OPA1: variants seen among roughly 807,000 people sequenced by gnomAD.
OPA1 encodes the protein dynamin-like GTPase OPA1, mitochondrial.
OPA1 carries 59 observed loss-of-function variants against 152.9 expected under a neutral mutation model. The observed-to-expected ratio is 0.39, with a 90% CI of 0.31 to 0.48. OPA1 has a LOEUF of 0.48. Among genes scored for constraint, OPA1 ranks in the 20% least tolerant of loss-of-function variants. The pLI is 0.96. For synonymous variants in OPA1, 400 were observed against 389.9 expected (o/e 1.03, Z -0.31); for missense variants, 1,008 against 1,216.8 (o/e 0.83, Z 2.55).
intron 21 of OPA1, among the ~76,000 whole-genome samples, chr3:193,649,833 TAATC>T (rs1711953575): frequency 6.6e-6 from 1 of 152,230 alleles, no homozygotes; most frequent in Admixed American, 6.5e-5. Flanking sequence ...TCTTGTTGAT[TAATC>T]AAACATTGTT....
At chr3:193,686,218 G>A (rs1720916891) in intron 29 of OPA1, among the ~76,000 whole-genome samples, 1 of 152,140 alleles carries the variant, frequency 6.6e-6, no homozygotes, top group Non-Finnish European at 1.5e-5. Context: ...TGGGTTTCTT[G>A]TCCAAATGAA....
intron 9 of OPA1, among the ~76,000 whole-genome samples, chr3:193,636,573 C>G (rs915957326): frequency 6.6e-6 from 1 of 151,588 alleles, no homozygotes; most frequent in African/African-American, 2.4e-5. Context: ...ATTCATTCAT[C>G]AAATTTACAT....
Position 193,648,019 on chromosome 3 carries a change from C to T in OPA1, c.1871-51C>T, listed in dbSNP as rs369310912. Reference sequence around the variant, plus strand: ...TGTATTTTAACCACTTTAACCACTACATCTGGAAAGAAGGAGGGTCATCAA... The same window carrying T: ...TGTATTTTAACCACTTTAACCACTATATCTGGAAAGAAGGAGGGTCATCAA... On this transcript the variant is annotated intron_variant, in intron 19 of 30. Coordinates refer to ENST00000361510, the MANE Select transcript of OPA1 (RefSeq NM_130837.3). 1.8e-5 allele frequency: 24 copies of T among 1,317,590 alleles called. No homozygotes were observed. The African/African-American group carries it at 2.9e-4, about 16-fold the overall frequency. 81.6% of individuals were successfully genotyped at this position (1,317,590 alleles called of 1,614,324 possible).
Position 193,635,429 on chromosome 3 carries a change from G to A in OPA1, c.855G>A (p.Gln285=). The part of the protein sequence containing the change: ...EELLHTQLKY[Q]RILERLEKEN... ...TTATTTTATTGCAGTTGAAGTATCAGAGAATCTTGGAACGATTAGAAAAGG... is the reference window on the plus strand; with the variant it reads ...TTATTTTATTGCAGTTGAAGTATCAAAGAATCTTGGAACGATTAGAAAAGG... The change falls in exon 9 of 31, where the codon CAG becomes CAA. Residue 285 remains glutamine, a synonymous_variant. Coordinates refer to ENST00000361510, the MANE Select transcript of OPA1 (RefSeq NM_130837.3). 6.3e-7 allele frequency: 1 copy of A among 1,593,378 alleles called. No individual in the cohort carries two copies. Among genetic ancestry groups the A allele is most frequent in the Non-Finnish European group, 8.6e-7 (1 of 1,161,548 alleles).
intron 25 of OPA1, 32 bp from the exon 26 acceptor site, chr3:193,662,790 C>T (rs200324109): frequency 3.8e-6 from 6 of 1,599,180 alleles, no homozygotes; most frequent in Non-Finnish European, 5.1e-6. Context: ...TATGAACCAT[C>T]TAAACACAGT....
At chr3:193,606,664 CATT>C (rs1727334067) in intron 1 of OPA1, among the ~76,000 whole-genome samples, 1 of 152,170 alleles carries the variant, frequency 6.6e-6, no homozygotes, top group East Asian at 1.9e-4. Flanking sequence ...TCCAGTCTAT[CATT>C]GTTGGACATT....
intron 28 of OPA1, among the ~76,000 whole-genome samples, chr3:193,666,606 T>C (rs981639287): frequency 2.6e-5 from 4 of 152,046 alleles, no homozygotes; most frequent in Non-Finnish European, 5.9e-5. Flanking sequence ...TGGGCAACAT[T>C]GTGAGACTCT....
chr3:193,609,937 GTCGAATTTTTTTCA>G (rs1489551229), intron 1 of OPA1, among the ~76,000 whole-genome samples: 2 of 49,936 alleles, frequency 4.0e-5, no homozygotes, highest in Non-Finnish European at 9.1e-5. Context: ...TTAGCCGTTC[GTCGAATTTTTTTCA>G]AGGTTTTTAA....
intron 29 of OPA1, among the ~76,000 whole-genome samples, chr3:193,673,315 A>G (rs1334176113): frequency 1.3e-5 from 2 of 152,242 alleles, no homozygotes; most frequent in African/African-American, 2.4e-5. Context: ...GATGATAATG[A>G]TGAAGATAAT....
At chr3:193,626,005 G>T (rs1731055842) in intron 6 of OPA1, 87 bp from the exon 7 acceptor site, 6 of 975,882 alleles carry the variant, frequency 6.1e-6, no homozygotes, top group Admixed American at 3.4e-5. Context: ...TCCCTCCCTA[G>T]CTTACATCTG....
intron 29 of OPA1, among the ~76,000 whole-genome samples, chr3:193,677,087 A>G (rs988938356): frequency 2.0e-5 from 3 of 151,862 alleles, no homozygotes; most frequent in Admixed American, 1.3e-4. Context: ...GCTGCTGGTA[A>G]TCAACACTTT....
At chr3:193,685,162 C>T (rs1014784270) in intron 29 of OPA1, among the ~76,000 whole-genome samples, 3 of 151,928 alleles carry the variant, frequency 2.0e-5, no homozygotes, top group Admixed American at 6.6e-5. Context: ...ATTGGCCAGG[C>T]ATGGTGATGC....
chr3:193,651,897 CTACTT>C (rs933966716), intron 21 of OPA1, among the ~76,000 whole-genome samples: 10 of 125,250 alleles, frequency 8.0e-5, no homozygotes, highest in African/African-American at 1.7e-4. Context: ...TAATAGTCCT[CTACTT>C]TAAAATAAAA....
At chr3:193,611,278 G>T (rs1426802997) in intron 1 of OPA1, among the ~76,000 whole-genome samples, 5 of 151,872 alleles carry the variant, frequency 3.3e-5, no homozygotes, top group Non-Finnish European at 7.4e-5. Flanking sequence ...GCCTTTTGAG[G>T]TTTTTTTTGC....
At chr3:193,671,039 T>C (rs919478529) in intron 29 of OPA1, among the ~76,000 whole-genome samples, 1 of 152,178 alleles carries the variant, frequency 6.6e-6, no homozygotes, top group Admixed American at 6.5e-5. Context: ...TTGTAACTCA[T>C]TGAATGAAAT....
Position 193,692,148 on chromosome 3 carries a change from C to T in OPA1, c.*5+16C>T. Reference sequence around the variant, plus strand: ...AATAAATTAAGTGAGTAAAAATTCTCTAACTGTATTGGTGCTGACTAAATA... The same window carrying T: ...AATAAATTAAGTGAGTAAAAATTCTTTAACTGTATTGGTGCTGACTAAATA... On this transcript the variant is annotated intron_variant, in intron 30 of 30. Transcript: ENST00000361510. The T allele has an allele frequency of 1.5e-6, 2 of 1,335,250 alleles. No homozygotes were observed. Among genetic ancestry groups the T allele is most frequent in the Admixed American group, 1.9e-5 (1 of 53,016 alleles). 82.7% of individuals were successfully genotyped at this position (1,335,250 alleles called of 1,614,324 possible). A position where few individuals can be genotyped will look rare whatever the true frequency, so the allele number is the denominator to read the frequency against.
At chr3:193,685,871 C>A (rs1720870568) in intron 29 of OPA1, among the ~76,000 whole-genome samples, 1 of 152,074 alleles carries the variant, frequency 6.6e-6, no homozygotes, top group Non-Finnish European at 1.5e-5. Flanking sequence ...TGGACAGATT[C>A]CTTCATTTTA....
At chr3:193,669,183 GT>G (rs1428621439) in intron 29 of OPA1, among the ~76,000 whole-genome samples, 4 of 152,218 alleles carry the variant, frequency 2.6e-5, no homozygotes, top group African/African-American at 9.6e-5. Context: ...GCTCTTCTGT[GT>G]TACACCCTGT....
chr3:193,607,868 C>T (rs1727537698), intron 1 of OPA1, among the ~76,000 whole-genome samples: 3 of 152,286 alleles, frequency 2.0e-5, no homozygotes, highest in Admixed American at 6.5e-5. Flanking sequence ...GCCATTTTCA[C>T]GATATTGATT....
Sources: gnomAD v4.1 joint callset for allele counts (sites outside exome capture counted in the v4.1 genomes callset) on GRCh38, gnomAD v4.1.1 for gene constraint, MANE v1.5 for transcripts, NCBI Gene and HGNC (gene_info 2026-07-23, HGNC 2026-07-21) for gene names.